Variants in CHD9 observed in about 807,000 individuals in gnomAD.
CHD9 encodes ATP-dependent chromatin remodeler CHD9.
A neutral mutation model predicts 316.1 loss-of-function variants in CHD9; 77 were observed. That is an observed-to-expected ratio of 0.24 (90% CI 0.20 to 0.29). The LOEUF is 0.29. Ranked by LOEUF, CHD9 falls within the 10% of genes least tolerant of loss-of-function variation. The probability of loss-of-function intolerance (pLI) is 1.00; values close to 1 mark genes in which losing one functional copy is unlikely to be tolerated. For synonymous variants in CHD9, 1,129 were observed against 1,158.3 expected (o/e 0.97, Z 0.51); for missense variants, 2,763 against 3,438.1 (o/e 0.80, Z 4.91).
In CHD9 at chr16:53,090,670, G is replaced by A. The variant is rs534026405; in HGVS notation, c.-165+35593G>A. On this transcript the variant is annotated intron_variant, in intron 1 of 38. Coordinates refer to ENST00000447540, the MANE Select transcript of CHD9 (RefSeq NM_001308319.2). ...AAGCCCAGGGCCCCAGAGTCCTGCC[G>A]GGCTTGTGTATCGCTCTTTCTCTCC... Among the ~76,000 whole-genome samples, 18 of 152,256 alleles carry A rather than the reference G, an allele frequency of 1.2e-4. 1 individual carries two copies. The highest frequency in any genetic ancestry group is 1.9e-4 in the East Asian group (1 of 5,180).
chr16:53,142,402 C>T lies in CHD9; in HGVS notation c.-164-13524C>T, dbSNP rs187941558. ...CAGGCGTGAGCCACTGCGCCCATCC[C>T]GAATATTTTCTTTCTGAACTCTGCA... On this transcript the variant is annotated intron_variant, in intron 1 of 38. Coordinates refer to ENST00000447540, the MANE Select transcript of CHD9 (RefSeq NM_001308319.2). Among the ~76,000 whole-genome samples, 46 of 152,190 alleles carry T rather than the reference C, an allele frequency of 3.0e-4. No individual in the cohort carries two copies. In the East Asian group the frequency reaches 6.0e-3, roughly 20 times the overall value.
intron 3 of CHD9, among the ~76,000 whole-genome samples, chr16:53,211,454 C>A (rs954327784): frequency 6.6e-6 from 1 of 151,974 alleles, no homozygotes; most frequent in Non-Finnish European, 1.5e-5. Flanking sequence ...TTTAATATTG[C>A]ACAACATTGA....
chr16:53,107,011 A>G (rs547718722), intron 1 of CHD9, among the ~76,000 whole-genome samples: 2 of 152,368 alleles, frequency 1.3e-5, no homozygotes, highest in Admixed American at 1.3e-4. Flanking sequence ...ATAAGAGTAC[A>G]CTACCACACA....
intron 1 of CHD9, among the ~76,000 whole-genome samples, chr16:53,082,224 ATT>A (rs2035089366): frequency 6.6e-6 from 1 of 150,616 alleles, no homozygotes; most frequent in Non-Finnish European, 1.5e-5. Context: ...TTATTTATTT[ATT>A]TATTTATTTA....
chr16:53,246,884 T>C (rs1567553630), intron 15 of CHD9, among the ~76,000 whole-genome samples: 1 of 152,184 alleles, frequency 6.6e-6, no homozygotes, highest in African/African-American at 2.4e-5. Context: ...CACATCCAGA[T>C]CAACTATGAT....
In CHD9 at chr16:53,315,019, T is replaced by C; in HGVS notation, c.7559T>C (p.Val2520Ala). ...EKWLKEHPGYVEDLGAFIPRM... is the reference protein window; with the variant it reads ...EKWLKEHPGYAEDLGAFIPRM... ...TGGCTTAAGGAGCACCCGGGTTATG[T>C]GGAAGATTTGGGAGCTTTTATTCCT... Residue 2520 changes from valine to alanine, a missense_variant, in exon 36 of 39, where the codon GTG (valine) becomes GCG (alanine). By Grantham distance (64) the Val-to-Ala change is moderately conservative. This residue lies in a region of CHD9 where 663 missense variants were observed against 751.2 expected (regional missense o/e 0.88). Coordinates refer to ENST00000447540, the MANE Select transcript of CHD9 (RefSeq NM_001308319.2). The C allele has an allele frequency of 2.5e-6, 4 of 1,613,656 alleles. No homozygotes were observed. The highest frequency in any genetic ancestry group is 3.4e-6 in the Non-Finnish European group (4 of 1,179,690).
At chr16:53,239,649 A>G (rs2048924533) in intron 12 of CHD9, among the ~76,000 whole-genome samples, 2 of 152,076 alleles carry the variant, frequency 1.3e-5, no homozygotes, top group Admixed American at 1.3e-4. Flanking sequence ...ATACATGGCC[A>G]GGTTATGTGA....
At chr16:53,178,957 T>A (rs1000182855) in intron 2 of CHD9, among the ~76,000 whole-genome samples, 1 of 152,088 alleles carries the variant, frequency 6.6e-6, no homozygotes, top group Non-Finnish European at 1.5e-5. Flanking sequence ...GGCTGTAGTG[T>A]GCTATGATCC....
intron 2 of CHD9, among the ~76,000 whole-genome samples, chr16:53,168,238 T>C (rs1177653936): frequency 6.6e-6 from 1 of 152,004 alleles, no homozygotes; most frequent in East Asian, 1.9e-4. Context: ...ATTTTTGTAT[T>C]TTTAATAGAG....
intron 1 of CHD9, among the ~76,000 whole-genome samples, chr16:53,073,633 A>T (rs2034284727): frequency 6.6e-6 from 1 of 152,146 alleles, no homozygotes; most frequent in Non-Finnish European, 1.5e-5. Flanking sequence ...GAATCATGGG[A>T]TGGTTTCCTC....
intron 2 of CHD9, among the ~76,000 whole-genome samples, chr16:53,180,199 G>A (rs1269150748): frequency 6.6e-6 from 1 of 151,872 alleles, no homozygotes; most frequent in Non-Finnish European, 1.5e-5. Flanking sequence ...TGGAGCTGGG[G>A]TTTCACCATG....
chr16:53,070,236 C>A (rs1013018800), intron 1 of CHD9, among the ~76,000 whole-genome samples: 1 of 151,834 alleles, frequency 6.6e-6, no homozygotes, highest in Non-Finnish European at 1.5e-5. Context: ...CCTTTGAATG[C>A]ACAGAAGTTT....
At chr16:53,283,584 T>C (rs995652635) in intron 24 of CHD9, among the ~76,000 whole-genome samples, 1 of 152,240 alleles carries the variant, frequency 6.6e-6, no homozygotes, top group South Asian at 2.1e-4. Context: ...TCTGGGATTC[T>C]GTTTCCAGTG....
At chr16:53,320,460 TGCA>T (rs2057196918) in intron 37 of CHD9, among the ~76,000 whole-genome samples, 1 of 152,064 alleles carries the variant, frequency 6.6e-6, no homozygotes, top group African/African-American at 2.4e-5. Context: ...AGTCGGAAGT[TGCA>T]GTGAGCCAAG....
intron 30 of CHD9, among the ~76,000 whole-genome samples, chr16:53,300,661 G>A (rs2055304249): frequency 6.6e-6 from 1 of 152,176 alleles, no homozygotes; most frequent in South Asian, 2.1e-4. Context: ...TTCTAGGTAA[G>A]TGTTCTTTTA....
At chr16:53,299,233 T>G (rs2055118033) in intron 30 of CHD9, 1 of 155,480 alleles carries the variant, frequency 6.4e-6, no homozygotes, top group Non-Finnish European at 1.4e-5. Flanking sequence ...AACTAAGACG[T>G]TCCAGAAGAT....
At chr16:53,213,720 T>G (rs993235897) in intron 3 of CHD9, among the ~76,000 whole-genome samples, 1 of 152,216 alleles carries the variant, frequency 6.6e-6, no homozygotes, top group Non-Finnish European at 1.5e-5. Context: ...GATAGAAGTA[T>G]TTTTAAACCT....
At chr16:53,111,915 G>T (rs1221402425) in intron 1 of CHD9, among the ~76,000 whole-genome samples, 1 of 152,128 alleles carries the variant, frequency 6.6e-6, no homozygotes, top group Non-Finnish European at 1.5e-5. Context: ...GACTTTATAT[G>T]TATCATCTCT....
intron 1 of CHD9, among the ~76,000 whole-genome samples, chr16:53,111,211 G>A (rs899364274): frequency 6.6e-6 from 1 of 152,072 alleles, no homozygotes; most frequent in Admixed American, 6.6e-5. Context: ...GAGGGGGCTG[G>A]ACTTACAGAT....
Sources: gnomAD v4.1 joint callset for allele counts (sites outside exome capture counted in the v4.1 genomes callset) on GRCh38, gnomAD v4.1.1 for gene constraint, gnomAD v4.1.1 regional missense constraint, MANE v1.5 for transcripts, NCBI Gene and HGNC (gene_info 2026-07-23, HGNC 2026-07-21) for gene names.